Variants in PRKCE observed in about 807,000 individuals in gnomAD.
PRKCE encodes the protein protein kinase C epsilon.
Under a neutral mutation model 85.4 loss-of-function variants are expected in PRKCE, and 16 were observed. The ratio of observed to expected loss-of-function variants is 0.19; its 90% CI spans 0.13 to 0.28. The LOEUF (loss-of-function observed/expected upper bound fraction) is 0.28, where lower values mean the gene tolerates loss of function less well. Ranked by LOEUF, PRKCE falls within the 10% of genes least tolerant of loss-of-function variation. The pLI is 1.00. For missense variants in PRKCE, 573 were observed against 975.2 expected (o/e 0.59, Z 5.49); for synonymous variants, 388 against 371.5 (o/e 1.04, Z -0.51).
At chr2:45,826,616 A>G (rs894172391) in intron 1 of PRKCE, among the ~76,000 whole-genome samples, 3 of 152,070 alleles carry the variant, frequency 2.0e-5, no homozygotes, top group African/African-American at 7.2e-5. Context: ...CCCGAACTTC[A>G]GATCTGTAGA....
intron 11 of PRKCE, among the ~76,000 whole-genome samples, chr2:46,117,758 A>G (rs1672920101): frequency 6.6e-6 from 1 of 152,242 alleles, no homozygotes; most frequent in Non-Finnish European, 1.5e-5. Flanking sequence ...GGAAGGGCTT[A>G]GTAATTGCTT....
At chr2:45,705,913 C>T (rs891406091) in intron 1 of PRKCE, among the ~76,000 whole-genome samples, 8 of 152,144 alleles carry the variant, frequency 5.3e-5, no homozygotes, top group African/African-American at 1.4e-4. Flanking sequence ...TGATTGTAAC[C>T]TGGGTGTGGA....
At chr2:45,713,712 T>C (rs2104391979) in intron 1 of PRKCE, among the ~76,000 whole-genome samples, 1 of 152,296 alleles carries the variant, frequency 6.6e-6, no homozygotes. Context: ...AGATGTGGTA[T>C]TAGTTTCCAC....
rs558515549 is a variant in PRKCE, at chr2:45,854,559, G to A, written c.412+11496G>A. ...GCTGCTACTAACCAGCCTATTGAAG[G>A]TAAACAAATCGTTGGGTATTTCTGA... is the stretch of plus-strand genomic sequence containing the variant. On this transcript the variant is annotated intron_variant, in intron 2 of 14. Transcript: ENST00000306156. 2.0e-5 allele frequency among the ~76,000 whole-genome samples: 3 copies of A among 152,286 alleles called. No individual in the cohort carries two copies. In the South Asian group the frequency reaches 6.2e-4, roughly 32 times the overall value.
chr2:45,740,041 G>C (rs894103383), intron 1 of PRKCE, among the ~76,000 whole-genome samples: 15 of 152,182 alleles, frequency 9.9e-5, no homozygotes, highest in Non-Finnish European at 4.4e-5. Flanking sequence ...TGTCAGCCAG[G>C]CATGGTGGCT....
chr2:45,755,116 G>A (rs1409151770), intron 1 of PRKCE, among the ~76,000 whole-genome samples: 1 of 152,162 alleles, frequency 6.6e-6, no homozygotes, highest in African/African-American at 2.4e-5. Flanking sequence ...AGTCCTCTCT[G>A]CTGCTTCCTG....
intron 1 of PRKCE, among the ~76,000 whole-genome samples, chr2:45,829,290 G>T (rs367603363): frequency 3.9e-5 from 6 of 152,112 alleles, no homozygotes; most frequent in Non-Finnish European, 8.8e-5. Context: ...CGTCGGCAGC[G>T]TATAATAGTG....
intron 1 of PRKCE, among the ~76,000 whole-genome samples, chr2:45,699,902 A>C (rs1034113722): frequency 6.6e-6 from 1 of 152,084 alleles, no homozygotes; most frequent in Non-Finnish European, 1.5e-5. Flanking sequence ...CTCGTTTTGC[A>C]CACTGATGAG....
intron 2 of PRKCE, among the ~76,000 whole-genome samples, chr2:45,870,830 C>T (rs573787282): frequency 2.0e-5 from 3 of 152,230 alleles, no homozygotes; most frequent in Admixed American, 1.3e-4. Context: ...AGTGGTCAAA[C>T]GAGGTGAGTA....
intron 10 of PRKCE, among the ~76,000 whole-genome samples, chr2:46,065,659 T>C (rs574662066): frequency 6.6e-6 from 1 of 152,340 alleles, no homozygotes; most frequent in East Asian, 1.9e-4. Context: ...CTTTGCTTTA[T>C]CTTCCTAATC....
At chr2:45,873,821 T>C (rs62127245) in intron 2 of PRKCE, among the ~76,000 whole-genome samples, 22,983 of 152,114 alleles carry the variant, frequency 0.15, 2,016 homozygotes, top group East Asian at 0.36. Context: ...CCAGCAGTGT[T>C]TACCAGAGGA....
chr2:45,865,047 A>G (rs1200722217), intron 2 of PRKCE, among the ~76,000 whole-genome samples: 1 of 152,242 alleles, frequency 6.6e-6, no homozygotes, highest in African/African-American at 2.4e-5. Context: ...TCTGTTTTAG[A>G]GTAGGACATC....
At chr2:46,149,314 T>C (rs1676377949) in intron 12 of PRKCE, among the ~76,000 whole-genome samples, 1 of 152,164 alleles carries the variant, frequency 6.6e-6, no homozygotes, top group Non-Finnish European at 1.5e-5. Flanking sequence ...GCCTTTTTTT[T>C]TCAGGGTCCT....
At chr2:45,707,774 C>A (rs1295286869) in intron 1 of PRKCE, among the ~76,000 whole-genome samples, 1 of 152,226 alleles carries the variant, frequency 6.6e-6, no homozygotes, top group Non-Finnish European at 1.5e-5. Flanking sequence ...TCCTCCCACA[C>A]AGACGAGCTG....
rs374750440 is a variant in PRKCE, at chr2:45,951,182, C to A, written c.413-25247C>A. Among the ~76,000 whole-genome samples the A allele has an allele frequency of 5.9e-5, 9 of 152,320 alleles. No homozygotes were observed. The East Asian group carries it at 1.7e-3, about 29-fold the overall frequency. On this transcript the variant is annotated intron_variant, in intron 2 of 14. Transcript: ENST00000306156. ...TAAAGTTACAGATTTTCAAGCCTCA[C>A]CCAGTGGAATTGGGGAGTGGCTCTG...
At chr2:45,904,373 G>A (rs567633193) in intron 2 of PRKCE, among the ~76,000 whole-genome samples, 3 of 152,148 alleles carry the variant, frequency 2.0e-5, no homozygotes, top group African/African-American at 7.2e-5. Context: ...TGCCCATCCA[G>A]GGCAAATCAC....
At chr2:45,775,738 C>A (rs1019735871) in intron 1 of PRKCE, among the ~76,000 whole-genome samples, 23 of 152,172 alleles carry the variant, frequency 1.5e-4, no homozygotes, top group African/African-American at 5.3e-4. Flanking sequence ...GCATGATCCT[C>A]GGGTTACGTT....
chr2:45,858,071 A>T (rs1048214810), intron 2 of PRKCE, among the ~76,000 whole-genome samples: 7 of 152,178 alleles, frequency 4.6e-5, no homozygotes, highest in Non-Finnish European at 7.3e-5. Flanking sequence ...ACTGCCTGTA[A>T]TAGGTGGGTT....
At position 46,046,547 on chromosome 2, in the gene PRKCE, A is replaced by G. The variant is rs564829170; in HGVS notation, c.1437+36030A>G. On this transcript the variant is annotated intron_variant, in intron 10 of 14. Transcript: ENST00000306156. ...CTCCACTTTGGGGTTTCCTCGATGT[A>G]CACGTCACATTGAAAAATGGAAAAA... Among the ~76,000 whole-genome samples, 4 of 152,346 alleles carry G rather than the reference A, an allele frequency of 2.6e-5. No individual in the cohort carries two copies. In the South Asian group the frequency reaches 8.3e-4, roughly 32 times the overall value.
Sources: allele counts gnomAD v4.1 joint callset (sites outside exome capture counted in the v4.1 genomes callset), GRCh38; gene constraint gnomAD v4.1.1; transcripts MANE v1.5; gene names NCBI Gene and HGNC (gene_info 2026-07-23, HGNC 2026-07-21).